Variants in GFPT1 observed in about 807,000 individuals in gnomAD.
GFPT1 encodes glutamine--fructose-6-phosphate aminotransferase [isomerizing] 1.
GFPT1 carries 40 observed loss-of-function variants against 92.0 expected under a neutral mutation model. That is an observed-to-expected ratio of 0.43 (90% CI 0.34 to 0.57). GFPT1 has a LOEUF of 0.57. GFPT1 is among the 20% of genes least tolerant of loss of function. The pLI is 0.02. For synonymous variants in GFPT1, 269 were observed against 280.6 expected (o/e 0.96, Z 0.41); for missense variants, 448 against 869.1 (o/e 0.52, Z 6.09).
intron 4 of GFPT1, among the ~76,000 whole-genome samples, chr2:69,361,847 G>A (rs1671479301): frequency 6.6e-6 from 1 of 152,116 alleles, no homozygotes; most frequent in Non-Finnish European, 1.5e-5. Context: ...GGGTGTGGTG[G>A]TGCAAGCCTG....
chr2:69,346,890 C>T (rs556647667), intron 11 of GFPT1, among the ~76,000 whole-genome samples: 7 of 151,590 alleles, frequency 4.6e-5, no homozygotes, highest in Admixed American at 6.6e-5. Flanking sequence ...CTACCATGCC[C>T]GGCTCATAGT....
At chr2:69,353,727 C>A (rs1356287790) in intron 9 of GFPT1, among the ~76,000 whole-genome samples, 1 of 151,836 alleles carries the variant, frequency 6.6e-6, no homozygotes, top group East Asian at 1.9e-4. Flanking sequence ...AAAGTTACAT[C>A]GAAGTAAATA....
intron 4 of GFPT1, among the ~76,000 whole-genome samples, chr2:69,360,328 CAAAAAAAAA>C (rs576395697): frequency 0.23 from 18,329 of 78,520 alleles, 1,282 homozygotes; most frequent in Non-Finnish European, 0.27. Flanking sequence ...GATTCTGTCT[CAAAAAAAAA>C]AAAAAAAAAA....
Position 69,373,920 on chromosome 2 carries a change from CT to C in GFPT1, c.115+85del, listed in dbSNP as rs1273221706. The C allele has an allele frequency of 6.6e-5, 47 of 711,030 alleles. No homozygotes were observed. The East Asian group carries it at 1.3e-3, about 19-fold the overall frequency. The allele number at this position is 711,030 out of a possible 1,614,324, so 44.0% of individuals were successfully genotyped here. A position where few individuals can be genotyped will look rare whatever the true frequency, so the allele number is the denominator to read the frequency against. Reference sequence around the variant, plus strand: ...TTACACTTACTCAAAACAAAACAGACTTTAATAGTCTAGTCTCCTAATAACA... The same window carrying C: ...TTACACTTACTCAAAACAAAACAGACTTAATAGTCTAGTCTCCTAATAACA... On this transcript the variant is annotated intron_variant, in intron 2 of 19. Transcript: ENST00000357308.
At chr2:69,359,977 G>A (rs1226965682) in intron 4 of GFPT1, among the ~76,000 whole-genome samples, 1 of 152,072 alleles carries the variant, frequency 6.6e-6, no homozygotes, top group African/African-American at 2.4e-5. Flanking sequence ...AAAACTGTAA[G>A]AACAGATAAT....
In GFPT1 at chr2:69,386,958, C is replaced by T. The variant is rs1672143583; in HGVS notation, c.7+107G>A. On this transcript the variant is annotated intron_variant, in intron 1 of 19. Coordinates refer to ENST00000357308, the MANE Select transcript of GFPT1 (RefSeq NM_001244710.2). ...CGCCCCTTGCCCATCACCCAGACTT[C>T]GCACCCTCCACACTCCCGCTTCCGC... is the stretch of plus-strand genomic sequence containing the variant. 3 of 913,182 alleles carry T rather than the reference C, an allele frequency of 3.3e-6. No homozygotes were observed. The Admixed American group carries it at 6.0e-5, about 18-fold the overall frequency. The allele number at this position is 913,182 out of a possible 1,614,324, so 56.6% of individuals were successfully genotyped here.
rs569911558 is a variant in GFPT1 at position 69,345,796 on chromosome 2, G to A, written c.1105+108C>T. 15 of 721,630 alleles carry A rather than the reference G, an allele frequency of 2.1e-5. No individual in the cohort carries two copies. The South Asian group carries it at 2.3e-4, about 11-fold the overall frequency. The allele number at this position is 721,630 out of a possible 1,614,324, so 44.7% of individuals were successfully genotyped here. A position where few individuals can be genotyped will look rare whatever the true frequency, so the allele number is the denominator to read the frequency against. Reference sequence around the variant, plus strand: ...GGCTGGGCTCCACTGATGGCTGGCAGCTGTAGTTGTTCTACAAGGCTATTA... The same window carrying A: ...GGCTGGGCTCCACTGATGGCTGGCAACTGTAGTTGTTCTACAAGGCTATTA... On this transcript the variant is annotated intron_variant, in intron 12 of 19. Coordinates refer to ENST00000357308, the MANE Select transcript of GFPT1 (RefSeq NM_001244710.2).
At chr2:69,357,024 C>T (rs1574068921) in intron 6 of GFPT1, among the ~76,000 whole-genome samples, 2 of 152,156 alleles carry the variant, frequency 1.3e-5, no homozygotes, top group African/African-American at 2.4e-5. Context: ...AGCCACCACG[C>T]GCAGCCAAGA....
chr2:69,332,715 T>C (rs573540990), intron 15 of GFPT1, among the ~76,000 whole-genome samples: 3 of 152,242 alleles, frequency 2.0e-5, no homozygotes, highest in East Asian at 3.9e-4. Flanking sequence ...TCTCTTTCAG[T>C]AGGTTATTGT....
At position 69,325,257 on chromosome 2, in the gene GFPT1, T is replaced by C. The variant is rs994375972; in HGVS notation, c.*932A>G. On this transcript the variant is annotated 3_prime_UTR_variant, in exon 20 of 20. Coordinates refer to ENST00000357308, the MANE Select transcript of GFPT1 (RefSeq NM_001244710.2). ...CAGGAAATTCTTCCTCGTGACAAAG[T>C]TGAAGAGAATACTGAATATATCAAT... is the stretch of plus-strand genomic sequence containing the variant. The C allele has an allele frequency of 6.6e-6, 1 of 152,144 alleles. No homozygotes were observed. The highest frequency in any genetic ancestry group is 1.9e-4 in the East Asian group (1 of 5,204). 9.4% of individuals were successfully genotyped at this position (152,144 alleles called of 1,614,324 possible).
intron 15 of GFPT1, among the ~76,000 whole-genome samples, chr2:69,330,148 T>C (rs1009325376): frequency 5.3e-5 from 8 of 152,112 alleles, no homozygotes; most frequent in Non-Finnish European, 1.2e-4. Flanking sequence ...GAGGTTGCAG[T>C]GAACCAGGAT....
At chr2:69,355,983 C>CTT (rs1157501841) in intron 7 of GFPT1, among the ~76,000 whole-genome samples, 12 of 75,616 alleles carry the variant, frequency 1.6e-4, no homozygotes, top group East Asian at 3.7e-4. Context: ...TATTTGCTTT[C>CTT]TTTTTTTTTT....
At chr2:69,342,860 A>G (rs895569035) in intron 12 of GFPT1, among the ~76,000 whole-genome samples, 16 of 152,192 alleles carry the variant, frequency 1.1e-4, no homozygotes, top group African/African-American at 3.9e-4. Context: ...AGAGTAACAT[A>G]AACCCACTCT....
In GFPT1 at chr2:69,325,920, A is replaced by G; in HGVS notation, c.*269T>C. On this transcript the variant is annotated 3_prime_UTR_variant, in exon 20 of 20. Transcript: ENST00000357308. ...AGGGTCCAGAAATGCAACACCCAGCATTCTTTAAAGAAAATAATAGCTAGA... is the reference window on the plus strand; with the variant it reads ...AGGGTCCAGAAATGCAACACCCAGCGTTCTTTAAAGAAAATAATAGCTAGA... The G allele has an allele frequency of 2.6e-6, 1 of 383,750 alleles. No individual in the cohort carries two copies. Among genetic ancestry groups the G allele is most frequent in the Non-Finnish European group, 4.7e-6 (1 of 213,460 alleles). The allele number at this position is 383,750 out of a possible 1,614,324, so 23.8% of individuals were successfully genotyped here.
intron 1 of GFPT1, among the ~76,000 whole-genome samples, chr2:69,381,482 A>T (rs1271770651): frequency 6.6e-6 from 1 of 151,130 alleles, no homozygotes; most frequent in African/African-American, 2.4e-5. Flanking sequence ...AATACTTCTC[A>T]TCCTTCCTTG....
At chr2:69,333,561 T>C (rs748974709) in intron 15 of GFPT1, among the ~76,000 whole-genome samples, 1 of 152,254 alleles carries the variant, frequency 6.6e-6, no homozygotes, top group Non-Finnish European at 1.5e-5. Flanking sequence ...TCTGAAATTT[T>C]AAACTTGGTT....
intron 18 of GFPT1, among the ~76,000 whole-genome samples, chr2:69,327,546 A>C (rs1670560764): frequency 6.6e-6 from 1 of 152,106 alleles, no homozygotes; most frequent in Admixed American, 6.5e-5. Flanking sequence ...TATGCTACCC[A>C]GGCTGTATTC....
At chr2:69,354,931 G>A (rs1671299015) in intron 7 of GFPT1, among the ~76,000 whole-genome samples, 1 of 152,138 alleles carries the variant, frequency 6.6e-6, no homozygotes, top group Admixed American at 6.5e-5. Flanking sequence ...CTGAGTCTGG[G>A]AGGTGAAGGT....
rs1193640716 is a variant in GFPT1 at position 69,363,777 on chromosome 2, C to T, written c.224-107G>A. ...TACAATGCTGCTCTCTTGGAATATA[C>T]AATCACTGAAACTAAAGATCAGGCA... is the stretch of plus-strand genomic sequence containing the variant. On this transcript the variant is annotated intron_variant, in intron 3 of 19. Coordinates refer to ENST00000357308, the MANE Select transcript of GFPT1 (RefSeq NM_001244710.2). 24 of 823,160 alleles carry T rather than the reference C, an allele frequency of 2.9e-5. No homozygotes were observed. In the Admixed American group the frequency reaches 4.7e-4, roughly 16 times the overall value. 51.0% of individuals were successfully genotyped at this position (823,160 alleles called of 1,614,324 possible). A position where few individuals can be genotyped will look rare whatever the true frequency, so the allele number is the denominator to read the frequency against.
Sources: allele counts gnomAD v4.1 joint callset (sites outside exome capture counted in the v4.1 genomes callset), GRCh38; gene constraint gnomAD v4.1.1; transcripts MANE v1.5; gene names NCBI Gene and HGNC (gene_info 2026-07-23, HGNC 2026-07-21).